ACO1: variants seen among roughly 807,000 people sequenced by gnomAD.
ACO1 encodes aconitase 1.
ACO1 carries 78 observed loss-of-function variants against 105.1 expected under a neutral mutation model. The ratio of observed to expected loss-of-function variants is 0.74; its 90% CI spans 0.62 to 0.90. The LOEUF is 0.90. Ranked by LOEUF, ACO1 falls within the 40% of genes least tolerant of loss-of-function variation. The probability of loss-of-function intolerance (pLI) is 0.00; values close to 1 mark genes in which losing one functional copy is unlikely to be tolerated. For synonymous variants in ACO1, 364 were observed against 397.4 expected (o/e 0.92, Z 1.00); for missense variants, 965 against 1,111.1 (o/e 0.87, Z 1.87).
chr9:32,431,651 T>TG lies in ACO1; in HGVS notation c.1727-68_1727-67insG, dbSNP rs1436316741. ...ACATAACTACCGAGGAGAACGAGGC[T>TG]TGACTCTGTATAATCATGAAAATTG... On this transcript the variant is annotated intron_variant, in intron 14 of 20. Transcript: ENST00000309951. The TG allele has an allele frequency of 3.2e-6, 5 of 1,572,808 alleles. No homozygotes were observed. In the East Asian group the frequency reaches 1.1e-4, roughly 35 times the overall value.
At chr9:32,393,965 T>C (rs1251794824) in intron 1 of ACO1, among the ~76,000 whole-genome samples, 2 of 152,154 alleles carry the variant, frequency 1.3e-5, no homozygotes, top group African/African-American at 4.8e-5. Flanking sequence ...AAATCAAATC[T>C]CATCTTAAAG....
At chr9:32,442,085 A>AT (rs901649578) in intron 19 of ACO1, among the ~76,000 whole-genome samples, 4,206 of 146,974 alleles carry the variant, frequency 0.029, 82 homozygotes, top group Middle Eastern at 0.11. Context: ...CACTTATGGG[A>AT]TTTTTTTTTT....
At chr9:32,431,188 G>A (rs1312305839) in intron 14 of ACO1, among the ~76,000 whole-genome samples, 1 of 152,190 alleles carries the variant, frequency 6.6e-6, no homozygotes, top group Non-Finnish European at 1.5e-5. Context: ...CAGCACAAAG[G>A]GGTGAAAACT....
chr9:32,449,154 G>GA, intron 20 of ACO1, 73 bp downstream of exon 20: 2 of 1,457,018 alleles, frequency 1.4e-6, no homozygotes, highest in Non-Finnish European at 1.8e-6. Flanking sequence ...TTGTTAGAAG[G>GA]AAATTAGTGA....
intron 7 of ACO1, 147 bp downstream of exon 7, chr9:32,419,324 T>C: frequency 2.5e-6 from 2 of 792,686 alleles, no homozygotes; most frequent in Non-Finnish European, 3.6e-6. Flanking sequence ...GGAGATGAGG[T>C]AAGGGAAGTG....
intron 4 of ACO1, among the ~76,000 whole-genome samples, chr9:32,410,329 T>C (rs1399888451): frequency 6.6e-6 from 1 of 151,886 alleles, no homozygotes; most frequent in Non-Finnish European, 1.5e-5. Context: ...GAGGCTGAGG[T>C]GGGCGGATCA....
chr9:32,416,964 C>G (rs779155762), intron 4 of ACO1, among the ~76,000 whole-genome samples: 3 of 152,200 alleles, frequency 2.0e-5, no homozygotes, highest in Non-Finnish European at 2.9e-5. Flanking sequence ...TCCTTTAGCT[C>G]TTGCTGTTAC....
intron 1 of ACO1, among the ~76,000 whole-genome samples, chr9:32,399,966 G>GTTTTTTTTTTTTTTTTTTTTTTTTCTT (rs57615512): frequency 1.4e-5 from 1 of 69,842 alleles, no homozygotes; most frequent in Non-Finnish European, 2.5e-5. Context: ...TTCTTTTTCT[G>GTTTTTTTTTTTTTTTTTTTTTTTTCTT]TTTTTTTTTT....
rs1193357988 is a variant in ACO1, at chr9:32,453,144, T to C, written c.*3033T>C. ...TGCGAATGAAGATTCCCCTGTTTGTTTGGATAGTTTTCCAAATTCATTACT... is the reference window on the plus strand; with the variant it reads ...TGCGAATGAAGATTCCCCTGTTTGTCTGGATAGTTTTCCAAATTCATTACT... On this transcript the variant is annotated 3_prime_UTR_variant, in exon 21 of 21. Transcript: ENST00000309951. 1 of 152,118 alleles carries C rather than the reference T, an allele frequency of 6.6e-6. No individual in the cohort carries two copies. Among genetic ancestry groups the C allele is most frequent in the African/African-American group, 2.4e-5 (1 of 41,426 alleles). 9.4% of individuals were successfully genotyped at this position (152,118 alleles called of 1,614,324 possible).
At chr9:32,402,390 A>T (rs1198753197) in intron 1 of ACO1, among the ~76,000 whole-genome samples, 2 of 152,236 alleles carry the variant, frequency 1.3e-5, no homozygotes, top group Admixed American at 1.3e-4. Flanking sequence ...TCGTTTGTTC[A>T]TTCCTATCTT....
At chr9:32,441,125 C>A (rs888624171) in intron 19 of ACO1, among the ~76,000 whole-genome samples, 1 of 152,208 alleles carries the variant, frequency 6.6e-6, no homozygotes, top group African/African-American at 2.4e-5. Flanking sequence ...TTGCACTTCA[C>A]TGCCTATGAA....
At chr9:32,401,670 A>G (rs1394527320) in intron 1 of ACO1, among the ~76,000 whole-genome samples, 2 of 152,224 alleles carry the variant, frequency 1.3e-5, no homozygotes, top group African/African-American at 4.8e-5. Context: ...GCCAAAGGTC[A>G]GTTGGTAGCA....
chr9:32,437,611 A>G (rs1453591339), intron 18 of ACO1, among the ~76,000 whole-genome samples: 1 of 152,254 alleles, frequency 6.6e-6, no homozygotes, highest in Non-Finnish European at 1.5e-5. Context: ...CCTGCATGAC[A>G]TAGAACTTCT....
At chr9:32,449,166 G>C in intron 20 of ACO1, 85 bp downstream of exon 20, 1 of 1,359,844 alleles carries the variant, frequency 7.4e-7, no homozygotes, top group Non-Finnish European at 9.9e-7. Context: ...AATTAGTGAG[G>C]TTTAGAAGGC....
intron 19 of ACO1, among the ~76,000 whole-genome samples, chr9:32,442,802 A>G (rs1320008641): frequency 1.3e-5 from 2 of 152,186 alleles, no homozygotes; most frequent in Admixed American, 6.5e-5. Flanking sequence ...GTCAGACTTC[A>G]TGGGTCCAAT....
intron 19 of ACO1, among the ~76,000 whole-genome samples, chr9:32,442,893 G>T (rs1822513797): frequency 6.6e-6 from 1 of 152,198 alleles, no homozygotes; most frequent in African/African-American, 2.4e-5. Context: ...ATGGTGGAAT[G>T]AGAGGAATTA....
chr9:32,448,544 A>T (rs1012857934), intron 19 of ACO1, among the ~76,000 whole-genome samples: 6 of 152,196 alleles, frequency 3.9e-5, no homozygotes, highest in Non-Finnish European at 7.3e-5. Context: ...AAAGCGCAGT[A>T]TCTGGGCCAG....
At chr9:32,401,432 C>G (rs1317337651) in intron 1 of ACO1, among the ~76,000 whole-genome samples, 2 of 151,520 alleles carry the variant, frequency 1.3e-5, no homozygotes, top group African/African-American at 2.4e-5. Context: ...TCCTGTGACC[C>G]TAGGCAGTCA....
intron 15 of ACO1, 110 bp from the exon 16 acceptor site, chr9:32,433,618 A>T: frequency 1.3e-6 from 1 of 774,316 alleles, no homozygotes; most frequent in East Asian, 2.6e-5. Context: ...TATTGAGAAT[A>T]AAAATGGTTC....
Sources: gnomAD v4.1 joint callset for allele counts (sites outside exome capture counted in the v4.1 genomes callset) on GRCh38, gnomAD v4.1.1 for gene constraint, MANE v1.5 for transcripts, NCBI Gene and HGNC (gene_info 2026-07-23, HGNC 2026-07-21) for gene names.